MGAM2: variants seen among roughly 807,000 people sequenced by gnomAD.
MGAM2 encodes the protein probable maltase-glucoamylase 2.
A neutral mutation model predicts 96.1 loss-of-function variants in MGAM2; 98 were observed. The observed-to-expected ratio is 1.02, with a 90% CI of 0.87 to 1.21. The LOEUF is 1.21. Ranked by LOEUF, MGAM2 falls within the 50% of genes most tolerant of loss-of-function variation. The pLI, the probability that MGAM2 is intolerant of heterozygous loss-of-function variation, is 0.00. For synonymous variants in MGAM2, 749 were observed against 414.8 expected, an observed-to-expected ratio of 1.81 and a Z score of -9.79; for missense variants, 2,055 against 1,182.4, an observed-to-expected ratio of 1.74 and a Z score of -10.82.
intron 6 of MGAM2, among the ~76,000 whole-genome samples, chr7:142,132,976 A>C (rs1244387847): frequency 7.6e-6 from 1 of 131,564 alleles, no homozygotes; most frequent in Non-Finnish European, 1.5e-5. Flanking sequence ...TAAAATATTT[A>C]ACATATATTT....
intron 17 of MGAM2, among the ~76,000 whole-genome samples, chr7:142,157,295 C>G (rs1795762665): frequency 6.6e-6 from 1 of 152,034 alleles, no homozygotes. Flanking sequence ...TGGAGCAACC[C>G]TGGAGGGAGC....
In MGAM2 at chr7:142,154,785, G is replaced by A. The variant is rs979967649; in HGVS notation, c.1863G>A (p.Arg621=). ...ATGTCACAGAGGAGCTCTGCAGAAG[G>A]TGGATGCAGCTTGGAGCATTTTATC... ...NNNVTEELCR[R]WMQLGAFYPL... Residue 621 remains arginine, a synonymous_variant, in exon 17 of 48, where the codon AGG becomes AGA. Coordinates refer to ENST00000477922, the MANE Select transcript of MGAM2 (RefSeq NM_001293626.2). 4.3e-6 allele frequency: 3 copies of A among 703,414 alleles called. No homozygotes were observed. The highest frequency in any genetic ancestry group is 1.7e-5 in the African/African-American group (1 of 57,246). 43.6% of individuals were successfully genotyped at this position (703,414 alleles called of 1,614,324 possible). A position where few individuals can be genotyped will look rare whatever the true frequency, so the allele number is the denominator to read the frequency against.
In MGAM2 at chr7:142,168,758, T is replaced by C. The variant is rs545876616; in HGVS notation, c.3027+1272T>C. ...TTAAAAGGGAAATTAATTTTAATAA[T>C]ATTTTAACCAATGCGCTAAAATATT... On this transcript the variant is annotated intron_variant, in intron 26 of 47. Transcript: ENST00000477922. Among the ~76,000 whole-genome samples the C allele has an allele frequency of 2.6e-4, 39 of 150,500 alleles. No homozygotes were observed. In the South Asian group the frequency reaches 8.3e-3, roughly 32 times the overall value.
At position 142,143,788 on chromosome 7, in the gene MGAM2, T is replaced by C. The variant is rs1234324266; in HGVS notation, c.1337T>C (p.Val446Ala). 2.9e-6 allele frequency: 2 copies of C among 681,538 alleles called. No homozygotes were observed. The highest frequency in any genetic ancestry group is 3.1e-5 in the South Asian group (2 of 63,546). 42.2% of individuals were successfully genotyped at this position (681,538 alleles called of 1,614,324 possible). A position where few individuals can be genotyped will look rare whatever the true frequency, so the allele number is the denominator to read the frequency against. The change falls in exon 13 of 48, where the codon GTC becomes GCC. Residue 446 changes from valine to alanine, a missense_variant. By Grantham distance (64) the Val-to-Ala change is moderately conservative (BLOSUM62 0). Transcript: ENST00000477922. Reference protein sequence around the residue: ...AVGEGYPGPTVFPDYTNPVCT... With the variant: ...AVGEGYPGPTAFPDYTNPVCT... ...TCCTAGGGATATCCGGGACCGACAG[T>C]CTTTCCCGATTATACCAATCCAGTA...
intron 14 of MGAM2, 135 bp downstream of exon 14, chr7:142,145,080 C>A: frequency 1.7e-6 from 1 of 590,314 alleles, no homozygotes; most frequent in Non-Finnish European, 3.0e-6. Flanking sequence ...ACTCCTCTGC[C>A]GAAGTCTCTG....
At chr7:142,211,738 G>A (rs1402000696) in intron 46 of MGAM2, among the ~76,000 whole-genome samples, 2 of 152,184 alleles carry the variant, frequency 1.3e-5, no homozygotes, top group Admixed American at 6.5e-5. Flanking sequence ...AAAGTGACGA[G>A]GAGAATGGAA....
chr7:142,115,121 G>A (rs1817344519), intron 1 of MGAM2, among the ~76,000 whole-genome samples: 1 of 152,180 alleles, frequency 6.6e-6, no homozygotes, highest in Non-Finnish European at 1.5e-5. Context: ...GGAAGCTGAG[G>A]CAGGATAATC....
At chr7:142,178,581 G>A (rs1229845180) in intron 32 of MGAM2, among the ~76,000 whole-genome samples, 1 of 152,146 alleles carries the variant, frequency 6.6e-6, no homozygotes, top group Non-Finnish European at 1.5e-5. Flanking sequence ...TGGTGAGCCA[G>A]TTATCCCAGC....
intron 3 of MGAM2, among the ~76,000 whole-genome samples, chr7:142,125,374 C>T (rs1794703227): frequency 6.6e-6 from 1 of 152,022 alleles, no homozygotes; most frequent in African/African-American, 2.4e-5. Flanking sequence ...TAGAGCAGAC[C>T]ACTTACTTAA....
rs1051815652 is a variant in MGAM2, at chr7:142,157,521, A to T, written c.1924-416A>T. 5.3e-5 allele frequency among the ~76,000 whole-genome samples: 8 copies of T among 151,914 alleles called. No individual in the cohort carries two copies. In the South Asian group the frequency reaches 8.3e-4, roughly 16 times the overall value. ...ATTCTCCTGCCTCAGCCTCCCGAGT[A>T]GCTGGAATTACAGGCACGTGCCACC... is the stretch of plus-strand genomic sequence containing the variant. On this transcript the variant is annotated intron_variant, in intron 17 of 47. Coordinates refer to ENST00000477922, the MANE Select transcript of MGAM2 (RefSeq NM_001293626.2).
chr7:142,203,907 C>T (rs1317658369), intron 45 of MGAM2, among the ~76,000 whole-genome samples: 1 of 151,914 alleles, frequency 6.6e-6, no homozygotes, highest in East Asian at 1.9e-4. Context: ...AGGAAATGCT[C>T]TTCATGTTCT....
At chr7:142,114,141 A>AGAAG in intron 1 of MGAM2, among the ~76,000 whole-genome samples, 1 of 118,736 alleles carries the variant, frequency 8.4e-6, no homozygotes, top group East Asian at 2.2e-4. Context: ...AAAAAAAGAA[A>AGAAG]GAAAGAAAGA....
chr7:142,126,028 G>A (rs908730038), intron 3 of MGAM2, among the ~76,000 whole-genome samples: 5 of 151,872 alleles, frequency 3.3e-5, no homozygotes, highest in African/African-American at 4.8e-5. Context: ...TTGTTTTAAC[G>A]AAAATTTGAT....
intron 38 of MGAM2, 58 bp from the exon 39 acceptor site, chr7:142,196,507 C>T (rs1797041637): frequency 1.4e-6 from 1 of 705,098 alleles, no homozygotes; most frequent in Non-Finnish European, 2.6e-6. Flanking sequence ...CAGGCCAAGC[C>T]TTCACTCTCC....
At chr7:142,119,933 T>C (rs970074262) in intron 2 of MGAM2, among the ~76,000 whole-genome samples, 3 of 152,244 alleles carry the variant, frequency 2.0e-5, no homozygotes, top group Admixed American at 6.5e-5. Flanking sequence ...CTAAAGTGTA[T>C]GTTATTTCTT....
intron 1 of MGAM2, 145 bp downstream of exon 1, chr7:142,111,952 A>G (rs1371098172): frequency 2.0e-5 from 3 of 151,806 alleles, no homozygotes; most frequent in African/African-American, 7.3e-5. Flanking sequence ...TTCCTTTTCC[A>G]TAAAATATGA....
intron 29 of MGAM2, 31 bp from the exon 30 acceptor site, chr7:142,172,621 A>G (rs1175774564): frequency 1.5e-6 from 1 of 679,528 alleles, no homozygotes; most frequent in Non-Finnish European, 2.7e-6. Context: ...AACTCCAAGG[A>G]TGTGCCTCAT....
Position 142,140,825 on chromosome 7 carries a change from C to A in MGAM2, c.1110C>A (p.Asp370Glu), listed in dbSNP as rs1795199565. The change falls in exon 11 of 48, where the codon GAC becomes GAA. Residue 370 changes from aspartate (D) to glutamate (E), a missense_variant. Asp to Glu is a conservative substitution (Grantham distance 45). Transcript: ENST00000477922. ...AGGATGTCCAGTACTCTGACATAGACTACATGGATGGAAAGAAGGATTTCA... is the reference window on the plus strand; with the variant it reads ...AGGATGTCCAGTACTCTGACATAGAATACATGGATGGAAAGAAGGATTTCA... ...IPYDVQYSDI[D>E]YMDGKKDFTV... 1 of 702,830 alleles carries A rather than the reference C, an allele frequency of 1.4e-6. No homozygotes were observed. The highest frequency in any genetic ancestry group is 2.0e-5 in the Admixed American group (1 of 49,962). 43.5% of individuals were successfully genotyped at this position (702,830 alleles called of 1,614,324 possible). A position where few individuals can be genotyped will look rare whatever the true frequency, so the allele number is the denominator to read the frequency against.
Position 142,120,338 on chromosome 7 carries a change from A to G in MGAM2, c.143A>G (p.Gln48Arg), listed in dbSNP as rs1407208141. ...ACTCCAGAGTGCCCAGAGATTCCCCAGTCGGAAAGGATAGACTGCACACCT... is the reference window on the plus strand; with the variant it reads ...ACTCCAGAGTGCCCAGAGATTCCCCGGTCGGAAAGGATAGACTGCACACCT... ...SFTPECPEIP[Q>R]SERIDCTPDQ... Residue 48 changes from glutamine (Q) to arginine (R), a missense_variant, in exon 3 of 48, where the codon CAG (glutamine) becomes CGG (arginine). By Grantham distance (43) the Gln-to-Arg change is conservative. Transcript: ENST00000477922. The G allele has an allele frequency of 4.3e-6, 3 of 703,238 alleles. No homozygotes were observed. The highest frequency in any genetic ancestry group is 7.8e-6 in the Non-Finnish European group (3 of 385,018). 43.6% of individuals were successfully genotyped at this position (703,238 alleles called of 1,614,324 possible). A position where few individuals can be genotyped will look rare whatever the true frequency, so the allele number is the denominator to read the frequency against.
Sources: allele counts gnomAD v4.1 joint callset (sites outside exome capture counted in the v4.1 genomes callset), GRCh38; gene constraint gnomAD v4.1.1; transcripts MANE v1.5; gene names NCBI Gene and HGNC (gene_info 2026-07-23, HGNC 2026-07-21).